Variants in CLIC5 observed in about 807,000 individuals in gnomAD.
The protein encoded by CLIC5 is chloride intracellular channel protein 5.
A neutral mutation model predicts 24.7 loss-of-function variants in CLIC5; 20 were observed. The ratio of observed to expected loss-of-function variants is 0.81; its 90% confidence interval spans 0.57 to 1.18. CLIC5 has a LOEUF of 1.18. Among genes scored for constraint, CLIC5 ranks in the 50% most tolerant of loss-of-function variants. The pLI is 0.00. For missense variants in CLIC5, 341 were observed against 326.1 expected (o/e 1.05, Z -0.35); for synonymous variants, 159 against 135.6 (o/e 1.17, Z -1.20).
intron 3 of CLIC5, among the ~76,000 whole-genome samples, chr6:45,942,850 G>A (rs1207662316): frequency 3.3e-5 from 5 of 152,218 alleles, no homozygotes; most frequent in African/African-American, 1.2e-4. Flanking sequence ...GGCAGATAAG[G>A]AAGGCATTAT....
intron 1 of CLIC5, among the ~76,000 whole-genome samples, chr6:45,979,885 T>C (rs974483125): frequency 6.6e-6 from 1 of 152,084 alleles, no homozygotes; most frequent in African/African-American, 2.4e-5. Flanking sequence ...GAGGTTCTTT[T>C]AGTTTAACCA....
In CLIC5 at chr6:45,925,314, C is replaced by A. The variant is rs141433305; in HGVS notation, c.407-10905G>T. Among the ~76,000 whole-genome samples, 169 of 147,828 alleles carry A rather than the reference C, an allele frequency of 1.1e-3. 1 individual carries two copies. The highest frequency in any genetic ancestry group is 4.2e-3 in the African/African-American group (161 of 38,744). ...GCCAACATGCCAACATGTCATTATT[C>A]CGCTTTTTTTTTTTTTTTTTGAGAT... On this transcript the variant is annotated intron_variant, in intron 4 of 5. Transcript: ENST00000339561.
intron 1 of CLIC5, among the ~76,000 whole-genome samples, chr6:46,051,623 G>C (rs1389428333): frequency 6.6e-6 from 1 of 152,170 alleles, no homozygotes; most frequent in East Asian, 1.9e-4. Context: ...GTTAGAGAAT[G>C]CTCAAATGTC....
At chr6:46,129,200 A>G in the CLIC5 span, among the ~76,000 whole-genome samples, 2 of 152,240 alleles carry the variant, frequency 1.3e-5, no homozygotes, top group African/African-American at 4.8e-5. Context: ...TGATTTAGCA[A>G]GTACTTCTAT....
intron 1 of CLIC5, among the ~76,000 whole-genome samples, chr6:46,004,586 A>G (rs1458505705): frequency 6.6e-6 from 1 of 152,180 alleles, no homozygotes; most frequent in Admixed American, 6.5e-5. Flanking sequence ...AAAAGTTGGT[A>G]GGTTGTTGTT....
chr6:46,086,404 T>C, the CLIC5 span, among the ~76,000 whole-genome samples: 5 of 152,208 alleles, frequency 3.3e-5, no homozygotes, highest in Non-Finnish European at 5.9e-5. Flanking sequence ...TTCGTGAATG[T>C]CTTAAGTGAT....
chr6:46,075,491 G>T (rs1008949531), intron 1 of CLIC5, among the ~76,000 whole-genome samples: 2 of 152,108 alleles, frequency 1.3e-5, no homozygotes, highest in Non-Finnish European at 1.5e-5. Flanking sequence ...AGGCTGAGGC[G>T]GGAGAATGGC....
the CLIC5 span, among the ~76,000 whole-genome samples, chr6:46,117,386 A>G: frequency 1.3e-5 from 2 of 152,118 alleles, no homozygotes; most frequent in East Asian, 3.8e-4. Context: ...AAAAGCCACA[A>G]GTGATTCTGT....
chr6:45,993,872 A>G (rs147060428), intron 1 of CLIC5, among the ~76,000 whole-genome samples: 97 of 152,346 alleles, frequency 6.4e-4, no homozygotes, highest in African/African-American at 2.3e-3. Flanking sequence ...GAAATCATTC[A>G]GCCTCTGTTA....
intron 2 of CLIC5, 120 bp from the exon 3 acceptor site, chr6:45,949,501 A>T: frequency 8.8e-7 from 1 of 1,135,314 alleles, no homozygotes; most frequent in South Asian, 1.5e-5. Flanking sequence ...CAGGTGAAAC[A>T]GATTTATGGT....
At chr6:45,908,123 G>C (rs930888892) in intron 5 of CLIC5, among the ~76,000 whole-genome samples, 1 of 152,158 alleles carries the variant, frequency 6.6e-6, no homozygotes, top group African/African-American at 2.4e-5. Context: ...TGTCTTCTTT[G>C]TCATTTCTGA....
intron 1 of CLIC5, among the ~76,000 whole-genome samples, chr6:46,037,996 T>G (rs914329604): frequency 6.6e-6 from 1 of 152,112 alleles, no homozygotes; most frequent in Non-Finnish European, 1.5e-5. Context: ...GGCCTTCAGA[T>G]AGAGCCTGGG....
chr6:46,123,336 T>C, the CLIC5 span, among the ~76,000 whole-genome samples: 9 of 152,158 alleles, frequency 5.9e-5, no homozygotes, highest in East Asian at 1.3e-3. Context: ...AAAAACCACA[T>C]GATTATCTCA....
At chr6:46,050,878 C>T (rs1768084529) in intron 1 of CLIC5, among the ~76,000 whole-genome samples, 3 of 83,872 alleles carry the variant, frequency 3.6e-5, no homozygotes, top group South Asian at 4.4e-4. Flanking sequence ...TGTGTGTGTG[C>T]ATTCCTCCCC....
intron 1 of CLIC5, among the ~76,000 whole-genome samples, chr6:45,964,376 G>A (rs1045824245): frequency 6.6e-6 from 1 of 152,200 alleles, no homozygotes; most frequent in Non-Finnish European, 1.5e-5. Context: ...CCAGCTAGAG[G>A]TGGAGTCCAC....
At position 46,065,955 on chromosome 6, in the gene CLIC5, T is replaced by G. The variant is rs575128352; in HGVS notation, c.540+13748A>C. The stretch of plus-strand genomic sequence containing the variant: ...TGGCCCCATAAAGCAACATACATAC[T>G]AGGGCATATGGTATAATGCATTTGT... On this transcript the variant is annotated intron_variant, in intron 1 of 5. Coordinates refer to the CLIC5 transcript ENST00000185206. 1.5e-4 allele frequency among the ~76,000 whole-genome samples: 23 copies of G among 152,332 alleles called. No individual in the cohort carries two copies. In the South Asian group the frequency reaches 4.8e-3, roughly 32 times the overall value.
chr6:45,934,771 ACACTGG>A (rs1480730741), intron 4 of CLIC5, among the ~76,000 whole-genome samples: 1 of 152,258 alleles, frequency 6.6e-6, no homozygotes, highest in African/African-American at 2.4e-5. Flanking sequence ...TGAGAATATG[ACACTGG>A]CACCAAAAAC....
At chr6:46,012,704 G>C (rs1308174299) in intron 1 of CLIC5, among the ~76,000 whole-genome samples, 1 of 152,144 alleles carries the variant, frequency 6.6e-6, no homozygotes, top group African/African-American at 2.4e-5. Flanking sequence ...CTACCTTTGG[G>C]CATTTTACCT....
intron 6 of CLIC5, among the ~76,000 whole-genome samples, chr6:45,893,296 G>T (rs1281690288): frequency 2.0e-5 from 3 of 150,930 alleles, no homozygotes; most frequent in Non-Finnish European, 4.4e-5. Context: ...GCAGAATCGT[G>T]TGATACATAA....
Sources: gnomAD v4.1 joint callset for allele counts (sites outside exome capture counted in the v4.1 genomes callset) on GRCh38, gnomAD v4.1.1 for gene constraint, MANE v1.5 for transcripts, NCBI Gene and HGNC (gene_info 2026-07-23, HGNC 2026-07-21) for gene names.